Variants in PALD1 observed in about 807,000 individuals in gnomAD.
PALD1 encodes paladin.
In PALD1, 57 loss-of-function variants were observed where a neutral mutation model predicts 96.0. The observed-to-expected ratio is 0.59, with a 90% confidence interval of 0.48 to 0.74. PALD1 has a LOEUF of 0.74. Among genes scored for constraint, PALD1 ranks in the 30% least tolerant of loss-of-function variants. The pLI is 0.00. For synonymous variants in PALD1, 464 were observed against 473.6 expected (o/e 0.98, Z 0.26); for missense variants, 1,063 against 1,143.7 (o/e 0.93, Z 1.02).
intron 1 of PALD1, among the ~76,000 whole-genome samples, chr10:70,519,207 T>C (rs1487721392): frequency 6.6e-6 from 1 of 152,154 alleles, no homozygotes; most frequent in African/African-American, 2.4e-5. Context: ...CCTCCCAAAG[T>C]AGTGGGATTA....
chr10:70,551,690 C>T (rs1048916728), intron 18 of PALD1, among the ~76,000 whole-genome samples: 10 of 152,154 alleles, frequency 6.6e-5, no homozygotes, highest in African/African-American at 2.2e-4. Context: ...GAACACAGCT[C>T]CTGTGATATG....
At chr10:70,552,589 AAGCCCTCCG>A (rs577372402) in intron 18 of PALD1, among the ~76,000 whole-genome samples, 2 of 151,396 alleles carry the variant, frequency 1.3e-5, no homozygotes, top group Non-Finnish European at 2.9e-5. Context: ...ATTTTATCTC[AAGCCCTCCG>A]AGCTCTCACT....
Position 70,534,087 on chromosome 10 carries a change from G to A in PALD1, c.1022+14G>A, listed in dbSNP as rs1162985134. 2 of 1,581,538 alleles carry A rather than the reference G, an allele frequency of 1.3e-6. No individual in the cohort carries two copies. The highest frequency in any genetic ancestry group is 1.3e-5 in the African/African-American group (1 of 74,218). ...CTCCCAGCCAGAGTGAGTGGCCCGG[G>A]GCCCAGCGTCCTGAAGGGCTGTGGG... On this transcript the variant is annotated intron_variant, in intron 8 of 19. Coordinates refer to ENST00000263563, the MANE Select transcript of PALD1 (RefSeq NM_014431.3).
At chr10:70,478,642 G>A (rs993708419), upstream of PALD1, among the ~76,000 whole-genome samples, 1 of 152,154 alleles carries the variant, frequency 6.6e-6, no homozygotes, top group African/African-American at 2.4e-5. Context: ...CCTCCCGCCC[G>A]GGGGCTGCGG....
At chr10:70,561,979 T>C (rs1010158427) in intron 18 of PALD1, among the ~76,000 whole-genome samples, 2 of 152,206 alleles carry the variant, frequency 1.3e-5, no homozygotes, top group Non-Finnish European at 2.9e-5. Flanking sequence ...GAGTAGTTCA[T>C]CTTTGCATCC....
At chr10:70,519,835 G>C (rs1347395824) in intron 1 of PALD1, among the ~76,000 whole-genome samples, 2 of 152,006 alleles carry the variant, frequency 1.3e-5, no homozygotes, top group Non-Finnish European at 2.9e-5. Flanking sequence ...TCAGCCTCCC[G>C]AAGTGCTGGG....
the PALD1 span, among the ~76,000 whole-genome samples, chr10:70,465,975 G>A: frequency 4.6e-5 from 7 of 152,116 alleles, no homozygotes; most frequent in African/African-American, 1.7e-4. Flanking sequence ...GGTTTGGACT[G>A]GAAGTCTCTT....
chr10:70,475,909 G>A (rs550228266), upstream of PALD1, among the ~76,000 whole-genome samples: 2 of 152,320 alleles, frequency 1.3e-5, no homozygotes, highest in South Asian at 2.1e-4. Context: ...TGCTTTGTGT[G>A]TGTGCTACAC....
intron 1 of PALD1, among the ~76,000 whole-genome samples, chr10:70,497,953 G>A (rs1234370658): frequency 6.6e-6 from 1 of 151,854 alleles, no homozygotes; most frequent in Admixed American, 6.6e-5. Context: ...TACCATTTTG[G>A]GCGTTTAAAA....
chr10:70,479,610 AC>A (rs1468115980), intron 1 of PALD1, among the ~76,000 whole-genome samples: 1 of 152,128 alleles, frequency 6.6e-6, no homozygotes, highest in Non-Finnish European at 1.5e-5. Context: ...AGGGGCAGTA[AC>A]CTGTCAGAGA....
chr10:70,469,863 G>A, the PALD1 span, among the ~76,000 whole-genome samples: 4 of 151,918 alleles, frequency 2.6e-5, no homozygotes, highest in Admixed American at 1.3e-4. Context: ...GTGCAATCTC[G>A]GCTCGCTGCA....
rs114622415 is a variant in PALD1 at position 70,553,978 on chromosome 10, C to T, written c.2262+6532C>T. On this transcript the variant is annotated intron_variant, in intron 18 of 19. Transcript: ENST00000263563. ...CTGGGACAGACCTTCCCTGAGGGAA[C>T]AGCCTCGACCCTTCTCTCTATGCCT... Among the ~76,000 whole-genome samples the T allele has an allele frequency of 6.1e-3, 931 of 152,314 alleles. 7 individuals carry two copies. Among genetic ancestry groups the T allele is most frequent in the African/African-American group, 0.021 (869 of 41,580 alleles).
chr10:70,566,486 A>G lies in PALD1; in HGVS notation c.2419-95A>G, dbSNP rs74141915. 6.3e-3 allele frequency: 5,790 copies of G among 925,882 alleles called. 221 individuals are homozygous for G. The African/African-American group carries it at 0.085, about 14-fold the overall frequency. 57.4% of individuals were successfully genotyped at this position (925,882 alleles called of 1,614,324 possible). A position where few individuals can be genotyped will look rare whatever the true frequency, so the allele number is the denominator to read the frequency against. ...AGGTGCAAACTTGTTCAGGTCACCA[A>G]GTTCACAGGCCACAGACTCATCTTC... is the stretch of plus-strand genomic sequence containing the variant. On this transcript the variant is annotated intron_variant, in intron 19 of 19. Coordinates refer to ENST00000263563, the MANE Select transcript of PALD1 (RefSeq NM_014431.3).
In PALD1 at chr10:70,540,018, T is replaced by TGTATTCTGTTACGTATG. The variant is rs1172762770; in HGVS notation, c.1908+257_1908+273dup. Among the ~76,000 whole-genome samples, 1 of 152,116 alleles carries TGTATTCTGTTACGTATG rather than the reference T, an allele frequency of 6.6e-6. No homozygotes were observed. Among genetic ancestry groups the TGTATTCTGTTACGTATG allele is most frequent in the East Asian group, 1.9e-4 (1 of 5,198 alleles). On this transcript the variant is annotated intron_variant, in intron 15 of 19. Transcript: ENST00000263563. This position sits in a 1 kb window ranked among gnomAD's most constrained non-coding sequence, Gnocchi z 4.2. ...TTATAGGTGTGTGTGTATTGGAGTG[T>TGTATTCTGTTACGTATG]GTATTCTGTTACGTATGTGCATATG... is the stretch of plus-strand genomic sequence containing the variant.
At chr10:70,545,954 C>T (rs989039007) in intron 17 of PALD1, among the ~76,000 whole-genome samples, 8 of 152,010 alleles carry the variant, frequency 5.3e-5, no homozygotes, top group East Asian at 3.9e-4. Flanking sequence ...ATAAGCACCT[C>T]GACCAGGCGT....
At chr10:70,473,284 C>T in the PALD1 span, among the ~76,000 whole-genome samples, 1 of 152,230 alleles carries the variant, frequency 6.6e-6, no homozygotes, top group Non-Finnish European at 1.5e-5. Flanking sequence ...TTGTCTGCCT[C>T]TCCCACAGGT....
Position 70,541,256 on chromosome 10 carries a change from C to T in PALD1, c.2049+14C>T. On this transcript the variant is annotated intron_variant, in intron 16 of 19. Transcript: ENST00000263563. ...TGGCACATCCAAGTACGTGTGGCCT[C>T]TCAAGTGAGATTAGAGATTTGCCTG... The T allele has an allele frequency of 6.3e-7, 1 of 1,595,888 alleles. No homozygotes were observed. Among genetic ancestry groups the T allele is most frequent in the East Asian group, 2.2e-5 (1 of 44,656 alleles).
chr10:70,463,277 G>A, the PALD1 span, among the ~76,000 whole-genome samples: 3 of 152,154 alleles, frequency 2.0e-5, no homozygotes, highest in East Asian at 1.9e-4. Flanking sequence ...GGTGGCAGGT[G>A]CCTGTAGTCC....
intron 1 of PALD1, among the ~76,000 whole-genome samples, chr10:70,514,814 G>T (rs1049283606): frequency 3.3e-5 from 5 of 152,176 alleles, no homozygotes; most frequent in African/African-American, 1.2e-4. Context: ...GGCCGGAGGA[G>T]CATGGGGTGC....
Sources: allele counts gnomAD v4.1 joint callset (sites outside exome capture counted in the v4.1 genomes callset), GRCh38; gene constraint gnomAD v4.1.1; non-coding constraint Gnocchi (gnomAD v3.1); transcripts MANE v1.5; gene names NCBI Gene and HGNC (gene_info 2026-07-23, HGNC 2026-07-21).